The following SGCD variants were observed in gnomAD, a reference collection of about 807,000 sequenced individuals.
The protein encoded by SGCD is sarcoglycan delta.
SGCD carries 18 observed loss-of-function variants against 36.6 expected under a neutral mutation model. That is an observed-to-expected ratio of 0.49 (90% confidence interval 0.34 to 0.73). The LOEUF is 0.73. Among genes scored for constraint, SGCD ranks in the 30% least tolerant of loss-of-function variants. The probability of loss-of-function intolerance (pLI) is 0.01; values close to 1 mark genes in which losing one functional copy is unlikely to be tolerated. For synonymous variants in SGCD, 133 were observed against 130.6 expected (o/e 1.02, Z -0.12); for missense variants, 387 against 346.7 (o/e 1.12, Z -0.92).
chr5:156,030,946 T>C (rs1292812134), intron 1 of SGCD, among the ~76,000 whole-genome samples: 1 of 151,968 alleles, frequency 6.6e-6, no homozygotes, highest in African/African-American at 2.4e-5. Context: ...AAAAAAGTAG[T>C]GGAAAATGAG....
At chr5:156,018,525 C>T (rs767751938) in intron 1 of SGCD, among the ~76,000 whole-genome samples, 3 of 152,222 alleles carry the variant, frequency 2.0e-5, no homozygotes, top group Non-Finnish European at 2.9e-5. Context: ...CTTATGTACA[C>T]GTGTATTGGT....
At chr5:155,921,491 TG>T (rs1020466523) in intron 1 of SGCD, among the ~76,000 whole-genome samples, 1 of 151,640 alleles carries the variant, frequency 6.6e-6, no homozygotes, top group Non-Finnish European at 1.5e-5. Context: ...TAAGTGCTGA[TG>T]GGGGGTAGCA....
rs149504714 is a variant in SGCD at position 155,881,295 on chromosome 5, A to AAAAATAAATAAATAAATAAAT, written c.-282+10874_-282+10875insATAAATAAATAAATAAATAAA. ...TGATTCCAGATCACCACCTCACCACAAAATAAATAAATAAATAAATAAATA... is the reference window on the plus strand; with the variant it reads ...TGATTCCAGATCACCACCTCACCACAAAAATAAATAAATAAATAAATAAATAAATAAATAAATAAATAAATA... On this transcript the variant is annotated intron_variant, in intron 1 of 9. Coordinates refer to the SGCD transcript ENST00000517913. Among the ~76,000 whole-genome samples, 16 of 145,590 alleles carry AAAAATAAATAAATAAATAAAT rather than the reference A, an allele frequency of 1.1e-4. 1 individual carries two copies. The South Asian group carries it at 2.6e-3, about 24-fold the overall frequency.
the SGCD span, among the ~76,000 whole-genome samples, chr5:155,745,207 A>G: frequency 4.6e-5 from 7 of 152,088 alleles, no homozygotes; most frequent in Non-Finnish European, 8.8e-5. Context: ...CTGCACTTAC[A>G]AAAGAAAATA....
intron 1 of SGCD, among the ~76,000 whole-genome samples, chr5:156,097,163 A>G (rs993763204): frequency 6.6e-6 from 1 of 151,172 alleles, no homozygotes; most frequent in Non-Finnish European, 1.5e-5. Context: ...ATGTTTAATT[A>G]TTATATGTTT....
At chr5:156,017,952 G>A (rs1348405436) in intron 1 of SGCD, among the ~76,000 whole-genome samples, 1 of 152,134 alleles carries the variant, frequency 6.6e-6, no homozygotes, top group Non-Finnish European at 1.5e-5. Flanking sequence ...TTGAGCCCAG[G>A]AGTTGAAGAC....
At chr5:156,431,086 T>G (rs1752988465) in intron 3 of SGCD, among the ~76,000 whole-genome samples, 1 of 152,120 alleles carries the variant, frequency 6.6e-6, no homozygotes, top group South Asian at 2.1e-4. Context: ...CAATTAGATG[T>G]GCTGAGGTTT....
chr5:155,961,473 T>A (rs1757789299), intron 1 of SGCD, among the ~76,000 whole-genome samples: 1 of 152,110 alleles, frequency 6.6e-6, no homozygotes, highest in Non-Finnish European at 1.5e-5. Context: ...AATATCCAGG[T>A]AACCAGTTGC....
chr5:156,609,837 C>T (rs1036905694), intron 6 of SGCD, among the ~76,000 whole-genome samples: 19 of 152,168 alleles, frequency 1.2e-4, no homozygotes, highest in Non-Finnish European at 2.6e-4. Flanking sequence ...TTGATCGAAT[C>T]GGCTCCTGAG....
At chr5:156,258,948 C>T (rs1765781324) in intron 3 of SGCD, among the ~76,000 whole-genome samples, 1 of 151,784 alleles carries the variant, frequency 6.6e-6, no homozygotes, top group African/African-American at 2.4e-5. Context: ...TAAGAGAGTA[C>T]TTAAGAGAGT....
At chr5:155,821,306 G>A in the SGCD span, among the ~76,000 whole-genome samples, 1 of 151,964 alleles carries the variant, frequency 6.6e-6, no homozygotes, top group Non-Finnish European at 1.5e-5. Context: ...AACAGTCATT[G>A]AAGAGTTTTT....
At chr5:156,580,390 C>T (rs1760200749) in intron 4 of SGCD, among the ~76,000 whole-genome samples, 1 of 152,062 alleles carries the variant, frequency 6.6e-6, no homozygotes, top group African/African-American at 2.4e-5. Context: ...AATTATGTGT[C>T]TTGGGGTTGT....
rs116396972 is a variant in SGCD, at chr5:156,084,443, A to T, written c.-281-33435A>T. On this transcript the variant is annotated intron_variant, in intron 1 of 9. Coordinates refer to the SGCD transcript ENST00000517913. ...GGATTAATTTTTTGGTTTTGATCTT[A>T]TAATCTCTCATCCAAGTACCAACCA... 3.9e-3 allele frequency among the ~76,000 whole-genome samples: 596 copies of T among 152,254 alleles called. 4 individuals are homozygous for T. The highest frequency in any genetic ancestry group is 0.014 in the African/African-American group (580 of 41,548).
chr5:155,760,090 T>A, the SGCD span, among the ~76,000 whole-genome samples: 2 of 151,946 alleles, frequency 1.3e-5, no homozygotes, highest in African/African-American at 4.8e-5. Flanking sequence ...ACCCTCTGCA[T>A]CATATTCACC....
chr5:156,164,928 C>G (rs1489594085), intron 3 of SGCD, among the ~76,000 whole-genome samples: 1 of 152,150 alleles, frequency 6.6e-6, no homozygotes, highest in Non-Finnish European at 1.5e-5. Flanking sequence ...GAAATTTCGG[C>G]CCTCAGTTTT....
chr5:155,855,277 T>C, the SGCD span, among the ~76,000 whole-genome samples: 1 of 152,142 alleles, frequency 6.6e-6, no homozygotes, highest in African/African-American at 2.4e-5. Flanking sequence ...AACCCTAAGC[T>C]GAGATAACTC....
intron 3 of SGCD, among the ~76,000 whole-genome samples, chr5:156,444,064 TTCTCTC>T (rs535098783): frequency 0.046 from 1,573 of 34,440 alleles, 43 homozygotes; most frequent in Non-Finnish European, 0.062. Context: ...CTTTCTCTCC[TTCTCTC>T]TCTCTCTCTC....
intron 1 of SGCD, among the ~76,000 whole-genome samples, chr5:155,891,869 T>G (rs1454500318): frequency 6.6e-6 from 1 of 152,000 alleles, no homozygotes; most frequent in Admixed American, 6.6e-5. Flanking sequence ...GCTGTGAAAA[T>G]GTGGCAGCAG....
At chr5:156,152,681 A>G (rs1000954324) in intron 3 of SGCD, among the ~76,000 whole-genome samples, 2 of 151,754 alleles carry the variant, frequency 1.3e-5, no homozygotes, top group Non-Finnish European at 2.9e-5. Context: ...GTTAAAGTAT[A>G]TTGAAACTTC....
Sources: allele counts gnomAD v4.1 joint callset (sites outside exome capture counted in the v4.1 genomes callset), GRCh38; gene constraint gnomAD v4.1.1; transcripts MANE v1.5; gene names NCBI Gene and HGNC (gene_info 2026-07-23, HGNC 2026-07-21).